PHACTR3: variants seen among roughly 807,000 people sequenced by gnomAD.
The protein encoded by PHACTR3 is phosphatase and actin regulator 3.
In PHACTR3, 16 loss-of-function variants were observed where a neutral mutation model predicts 66.8. The ratio of observed to expected loss-of-function variants is 0.24; its 90% CI spans 0.16 to 0.36. The LOEUF (loss-of-function observed/expected upper bound fraction) is 0.36. Ranked by LOEUF, PHACTR3 falls within the 10% of genes least tolerant of loss-of-function variation. The pLI is 1.00. For synonymous variants in PHACTR3, 323 were observed against 292.1 expected, an observed-to-expected ratio of 1.11 and a Z score of -1.08; for missense variants, 647 against 719.9, an observed-to-expected ratio of 0.90 and a Z score of 1.16.
intron 1 of PHACTR3, among the ~76,000 whole-genome samples, chr20:59,702,604 G>A (rs749904927): frequency 6.6e-6 from 1 of 152,186 alleles, no homozygotes; most frequent in Non-Finnish European, 1.5e-5. Flanking sequence ...CCCCACCTCT[G>A]GAATGTCAGC....
At chr20:59,739,510 C>T (rs1024084809) in intron 1 of PHACTR3, among the ~76,000 whole-genome samples, 2 of 151,646 alleles carry the variant, frequency 1.3e-5, no homozygotes, top group Admixed American at 6.6e-5. Flanking sequence ...GGAAGCAAGG[C>T]ACCTTCTTCA....
At chr20:59,662,544 C>T (rs775841987) in intron 1 of PHACTR3, among the ~76,000 whole-genome samples, 2 of 152,088 alleles carry the variant, frequency 1.3e-5, no homozygotes, top group Admixed American at 6.5e-5. Context: ...GGAGACAGCA[C>T]GTCTCAGAGG....
chr20:59,587,667 G>T (rs772842529), intron 1 of PHACTR3, among the ~76,000 whole-genome samples: 12 of 152,188 alleles, frequency 7.9e-5, no homozygotes, highest in Non-Finnish European at 1.3e-4. Flanking sequence ...GCTCGTTCTG[G>T]TGGTTGTCAG....
At position 59,830,376 on chromosome 20, in the gene PHACTR3, G is replaced by A. The variant is rs1045182806; in HGVS notation, c.1329-6129G>A. ...TGTGTCTGATGGAGACGGTGTGAATGTCTGATGGAGAGAGCATGAGTGATG... is the reference window on the plus strand; with the variant it reads ...TGTGTCTGATGGAGACGGTGTGAATATCTGATGGAGAGAGCATGAGTGATG... On this transcript the variant is annotated intron_variant, in intron 8 of 12. Transcript: ENST00000371015. The surrounding 1 kb of genome is among the most constrained non-coding windows in gnomAD (Gnocchi z 5.8). Among the ~76,000 whole-genome samples, 2 of 151,786 alleles carry A rather than the reference G, an allele frequency of 1.3e-5. No homozygotes were observed. The highest frequency in any genetic ancestry group is 2.4e-5 in the African/African-American group (1 of 41,156).
chr20:59,736,146 A>G lies in PHACTR3; in HGVS notation c.119-6961A>G, dbSNP rs1199530132. Among the ~76,000 whole-genome samples the G allele has an allele frequency of 6.6e-6, 1 of 152,102 alleles. No homozygotes were observed. The highest frequency in any genetic ancestry group is 1.5e-5 in the Non-Finnish European group (1 of 68,004). ...CAGGGGAGGGCCAGCTGCCCCATCC[A>G]TCATCTGAGGACTGAGGCTGTGTGT... is the stretch of plus-strand genomic sequence containing the variant. On this transcript the variant is annotated intron_variant, in intron 1 of 12. Coordinates refer to ENST00000371015, the MANE Select transcript of PHACTR3 (RefSeq NM_080672.5). This position sits in a 1 kb window ranked among gnomAD's most constrained non-coding sequence, Gnocchi z 4.6.
chr20:59,602,820 CAG>C (rs2033518875), upstream of PHACTR3, among the ~76,000 whole-genome samples: 1 of 152,208 alleles, frequency 6.6e-6, no homozygotes, highest in Admixed American at 6.5e-5. Flanking sequence ...GGCCAGTACT[CAG>C]TGTGTCAGGA....
chr20:59,695,394 G>A (rs1392664089), intron 1 of PHACTR3, among the ~76,000 whole-genome samples: 2 of 152,126 alleles, frequency 1.3e-5, no homozygotes, highest in African/African-American at 4.8e-5. Context: ...GCTATGTCTT[G>A]TGAGATGTAC....
rs11477768 is a variant in PHACTR3 at position 59,604,877 on chromosome 20, C to CTTTTTTTTTTTTTTTTT, written c.-132_-116dup. 1.4e-5 allele frequency: 14 copies of CTTTTTTTTTTTTTTTTT among 978,792 alleles called. No individual in the cohort carries two copies. Among genetic ancestry groups the CTTTTTTTTTTTTTTTTT allele is most frequent in the African/African-American group, 1.1e-4 (5 of 47,060 alleles). 60.6% of individuals were successfully genotyped at this position (978,792 alleles called of 1,614,324 possible). A position where few individuals can be genotyped will look rare whatever the true frequency, so the allele number is the denominator to read the frequency against. ...TCTCCAGCTCGTTTCCTTTCCCGGC[C>CTTTTTTTTTTTTTTTTT]TTTTTTTTTTTTTTTTTTTTTTAAT... On this transcript the variant is annotated 5_prime_UTR_variant, in exon 1 of 13. Coordinates refer to ENST00000371015, the MANE Select transcript of PHACTR3 (RefSeq NM_080672.5).
chr20:59,606,954 G>T (rs999852016), intron 1 of PHACTR3, among the ~76,000 whole-genome samples: 1 of 152,178 alleles, frequency 6.6e-6, no homozygotes, highest in Non-Finnish European at 1.5e-5. Context: ...AAAGCACCAA[G>T]CAATTAAGTA....
intron 3 of PHACTR3, among the ~76,000 whole-genome samples, chr20:59,748,721 G>A (rs950187196): frequency 6.6e-6 from 1 of 152,140 alleles, no homozygotes; most frequent in South Asian, 2.1e-4. Context: ...TCTGGAGCTG[G>A]ACCAAGCTCT....
intron 8 of PHACTR3, 144 bp from the exon 9 acceptor site, chr20:59,836,361 C>A: frequency 1.5e-6 from 1 of 657,154 alleles, no homozygotes; most frequent in Non-Finnish European, 2.5e-6. Context: ...CAAGAGGCAA[C>A]AACCAAAGGT....
chr20:59,812,757 C>T (rs2041773649), intron 8 of PHACTR3, among the ~76,000 whole-genome samples: 1 of 152,198 alleles, frequency 6.6e-6, no homozygotes, highest in Non-Finnish European at 1.5e-5. Flanking sequence ...GAATCAGCTT[C>T]CAATGCCAGC....
intron 1 of PHACTR3, among the ~76,000 whole-genome samples, chr20:59,645,787 G>A (rs780507938): frequency 2.5e-4 from 38 of 152,080 alleles, no homozygotes; most frequent in Admixed American, 5.2e-4. Flanking sequence ...ATGTCGTGAC[G>A]CTGGAATGAA....
At chr20:59,614,643 T>C (rs1183589903) in intron 1 of PHACTR3, among the ~76,000 whole-genome samples, 1 of 152,220 alleles carries the variant, frequency 6.6e-6, no homozygotes, top group African/African-American at 2.4e-5. Context: ...CTGTTTGTAA[T>C]ACAACCCTTT....
intron 7 of PHACTR3, among the ~76,000 whole-genome samples, chr20:59,794,950 CA>C (rs1242163131): frequency 1.3e-5 from 2 of 151,732 alleles, no homozygotes; most frequent in African/African-American, 4.8e-5. Context: ...TTTGTCTTTT[CA>C]AAAAAACCTC....
At chr20:59,802,577 G>A (rs1951751025) in intron 7 of PHACTR3, among the ~76,000 whole-genome samples, 1 of 152,196 alleles carries the variant, frequency 6.6e-6, no homozygotes. Flanking sequence ...CGGGGCTAGG[G>A]GAATGTCCTG....
At chr20:59,663,947 C>G (rs2035902712) in intron 1 of PHACTR3, among the ~76,000 whole-genome samples, 1 of 152,204 alleles carries the variant, frequency 6.6e-6, no homozygotes, top group Non-Finnish European at 1.5e-5. Context: ...AACATACCAA[C>G]AAGAGTGTCC....
chr20:59,702,188 C>T (rs765069454), intron 1 of PHACTR3, among the ~76,000 whole-genome samples: 5 of 152,104 alleles, frequency 3.3e-5, no homozygotes, highest in South Asian at 2.1e-4. Flanking sequence ...AGATTTCATA[C>T]GTGAATCTCA....
intron 1 of PHACTR3, among the ~76,000 whole-genome samples, chr20:59,672,059 T>A (rs189027133): frequency 6.0e-4 from 91 of 152,360 alleles, no homozygotes; most frequent in African/African-American, 1.9e-3. Context: ...TAACCACAGC[T>A]TTCAGAAGCG....
Sources: allele counts gnomAD v4.1 joint callset (sites outside exome capture counted in the v4.1 genomes callset), GRCh38; gene constraint gnomAD v4.1.1; non-coding constraint Gnocchi (gnomAD v3.1); transcripts MANE v1.5; gene names NCBI Gene and HGNC (gene_info 2026-07-23, HGNC 2026-07-21).